Variants in PPFIBP2 observed in about 807,000 individuals in gnomAD.
PPFIBP2 encodes the protein liprin-beta-2.
PPFIBP2 carries 118 observed loss-of-function variants against 118.3 expected under a neutral mutation model. The observed-to-expected ratio is 1.00, with a 90% CI of 0.86 to 1.16. The LOEUF is 1.16. PPFIBP2 is among the 50% of genes most tolerant of loss of function. PPFIBP2 has a pLI of 0.00. For synonymous variants in PPFIBP2, 414 were observed against 397.4 expected (o/e 1.04, Z -0.50); for missense variants, 1,195 against 1,073.1 (o/e 1.11, Z -1.59).
chr11:7,585,357 T>G (rs1349396618), intron 3 of PPFIBP2, among the ~76,000 whole-genome samples: 1 of 152,128 alleles, frequency 6.6e-6, no homozygotes, highest in Non-Finnish European at 1.5e-5. Context: ...GCCGACTGTT[T>G]TAGGTTTTCC....
chr11:7,654,746 A>T (rs1292799834), downstream of PPFIBP2, among the ~76,000 whole-genome samples: 2 of 152,142 alleles, frequency 1.3e-5, no homozygotes, highest in African/African-American at 2.4e-5. Flanking sequence ...CGGTACAGGG[A>T]TCTCTGCATG....
At chr11:7,552,704 A>T (rs1395605671) in intron 2 of PPFIBP2, among the ~76,000 whole-genome samples, 1 of 152,058 alleles carries the variant, frequency 6.6e-6, no homozygotes, top group Non-Finnish European at 1.5e-5. Flanking sequence ...GTGGCCCTTT[A>T]TGCATCCCTT....
At chr11:7,609,598 T>A (rs911533068) in intron 5 of PPFIBP2, among the ~76,000 whole-genome samples, 1 of 152,224 alleles carries the variant, frequency 6.6e-6, no homozygotes, top group South Asian at 2.1e-4. Context: ...AGCCCTGGGT[T>A]ATTTGGTTAT....
chr11:7,606,144 G>A, intron 5 of PPFIBP2: 1 of 1,125,256 alleles, frequency 8.9e-7, no homozygotes, highest in Non-Finnish European at 1.2e-6. Flanking sequence ...GATGGTCGGG[G>A]GGCAAAATAC....
chr11:7,527,756 C>A lies in PPFIBP2; in HGVS notation c.-37+13635C>A, dbSNP rs539510532. Among the ~76,000 whole-genome samples, 10 of 152,162 alleles carry A rather than the reference C, an allele frequency of 6.6e-5. 1 individual carries two copies. The South Asian group carries it at 2.1e-3, about 32-fold the overall frequency. On this transcript the variant is annotated intron_variant, in intron 1 of 23. Transcript: ENST00000299492. ...CTATGGGGCTGAAGGGAATTGCTGG[C>A]AGAGGGAACAGCAGTGCACAAAGGA...
intron 3 of PPFIBP2, among the ~76,000 whole-genome samples, chr11:7,571,430 A>AAG (rs5789528): frequency 0.33 from 49,521 of 150,926 alleles, 9,118 homozygotes; most frequent in African/African-American, 0.51. Context: ...CAAAAAAAAA[A>AAG]GTGGAGAGAA....
chr11:7,618,087 TA>T (rs1363346563), intron 6 of PPFIBP2, among the ~76,000 whole-genome samples: 1 of 151,954 alleles, frequency 6.6e-6, no homozygotes, highest in Non-Finnish European at 1.5e-5. Flanking sequence ...CCTGGCTCTG[TA>T]GGAAGTTACT....
At chr11:7,662,546 G>A in the PPFIBP2 span, among the ~76,000 whole-genome samples, 2 of 151,006 alleles carry the variant, frequency 1.3e-5, no homozygotes, top group African/African-American at 4.9e-5. Flanking sequence ...TCCCTTTGAG[G>A]GTAACCCGAC....
intron 3 of PPFIBP2, among the ~76,000 whole-genome samples, chr11:7,574,706 A>T (rs1483422234): frequency 6.6e-6 from 1 of 152,112 alleles, no homozygotes; most frequent in African/African-American, 2.4e-5. Context: ...ACAGGGACCC[A>T]GCTGCCCCTG....
chr11:7,652,752 A>C (rs1317676904), intron 23 of PPFIBP2, among the ~76,000 whole-genome samples: 1 of 152,224 alleles, frequency 6.6e-6, no homozygotes, highest in African/African-American at 2.4e-5. Context: ...CATCTATGGA[A>C]ATAAGAAAGT....
intron 5 of PPFIBP2, among the ~76,000 whole-genome samples, chr11:7,600,157 A>G (rs2135369539): frequency 6.6e-6 from 1 of 152,248 alleles, no homozygotes; most frequent in South Asian, 2.1e-4. Context: ...TCAAACTGTC[A>G]AGGGTCAAAT....
chr11:7,612,156 G>A (rs956978573), intron 6 of PPFIBP2, among the ~76,000 whole-genome samples: 1 of 152,220 alleles, frequency 6.6e-6, no homozygotes, highest in Admixed American at 6.5e-5. Context: ...ATCTCACAGT[G>A]TCACTAGAAA....
At chr11:7,651,529 C>G (rs892943086) in intron 22 of PPFIBP2, 127 bp from the exon 23 acceptor site, 1 of 791,310 alleles carries the variant, frequency 1.3e-6, no homozygotes, top group African/African-American at 1.7e-5. Flanking sequence ...GGACTCAGAA[C>G]AAGTGACTGA....
intron 3 of PPFIBP2, among the ~76,000 whole-genome samples, chr11:7,582,717 A>G (rs1234065517): frequency 6.5e-5 from 9 of 138,716 alleles, no homozygotes; most frequent in Non-Finnish European, 1.1e-4. Flanking sequence ...ATGTCATAGG[A>G]AAAAAAAAAA....
At chr11:7,651,330 G>A in intron 22 of PPFIBP2, 1 of 355,690 alleles carries the variant, frequency 2.8e-6, no homozygotes. Flanking sequence ...ACTCAGATCT[G>A]TCAGTGGCAA....
At chr11:7,666,248 C>A in the PPFIBP2 span, 1 of 595,016 alleles carries the variant, frequency 1.7e-6, no homozygotes, top group Admixed American at 3.0e-5. Context: ...TAGACACCTG[C>A]TCTCGATTGC....
intron 2 of PPFIBP2, among the ~76,000 whole-genome samples, chr11:7,563,217 G>C (rs772963782): frequency 6.6e-5 from 10 of 152,008 alleles, no homozygotes; most frequent in Non-Finnish European, 1.2e-4. Flanking sequence ...TACTTAAACT[G>C]GATGGCTACG....
intron 5 of PPFIBP2, 136 bp downstream of exon 5, chr11:7,597,809 C>A (rs913792271): frequency 1.3e-6 from 1 of 745,098 alleles, no homozygotes; most frequent in East Asian, 2.7e-5. Context: ...CTCAGTTGTA[C>A]GGTGTTTATA....
At chr11:7,627,081 T>C (rs143035302) in intron 8 of PPFIBP2, among the ~76,000 whole-genome samples, 1 of 152,330 alleles carries the variant, frequency 6.6e-6, no homozygotes, top group Admixed American at 6.5e-5. Flanking sequence ...CCACAACTTC[T>C]AGGCCAGGCA....
Sources: allele counts gnomAD v4.1 joint callset (sites outside exome capture counted in the v4.1 genomes callset), GRCh38; gene constraint gnomAD v4.1.1; transcripts MANE v1.5; gene names NCBI Gene and HGNC (gene_info 2026-07-23, HGNC 2026-07-21).